Variants in KCNH3 observed in about 807,000 individuals in gnomAD.
KCNH3 encodes potassium voltage-gated channel subfamily H member 3.
Under a neutral mutation model 95.6 loss-of-function variants are expected in KCNH3, and 36 were observed. The ratio of observed to expected loss-of-function variants is 0.38; its 90% confidence interval spans 0.29 to 0.50. The LOEUF (loss-of-function observed/expected upper bound fraction) is 0.50, where lower values mean the gene tolerates loss of function less well. Ranked by LOEUF, KCNH3 falls within the 20% of genes least tolerant of loss-of-function variation. The probability of loss-of-function intolerance (pLI) is 0.95; values close to 1 mark genes in which losing one functional copy is unlikely to be tolerated. For missense variants in KCNH3, 1,030 were observed against 1,484.1 expected (o/e 0.69, Z 5.03); for synonymous variants, 620 against 646.3 (o/e 0.96, Z 0.62).
chr12:49,544,145 T>TACCAAACCAC, intron 6 of KCNH3, 30 bp from the exon 7 acceptor site: 1 of 818,374 alleles, frequency 1.2e-6, no homozygotes, highest in Non-Finnish European at 2.0e-6. Context: ...CTGACCTCCC[T>TACCAAACCAC]CCCTCCCTCC....
At chr12:49,548,016 C>T (rs1400198525) in intron 7 of KCNH3, among the ~76,000 whole-genome samples, 1 of 152,164 alleles carries the variant, frequency 6.6e-6, no homozygotes, top group Admixed American at 6.5e-5. Context: ...AACCCTACTC[C>T]ATGCCAAGGC....
intron 7 of KCNH3, among the ~76,000 whole-genome samples, chr12:49,548,135 C>A (rs563243224): frequency 7.6e-6 from 1 of 131,930 alleles, no homozygotes; most frequent in South Asian, 2.5e-4. Context: ...TGTGTGTGTG[C>A]GCGCGCACCT....
intron 13 of KCNH3, chr12:49,556,717 T>C (rs1938466654): frequency 1.4e-6 from 1 of 690,990 alleles, no homozygotes; most frequent in South Asian, 1.5e-5. Context: ...TTTCTAGCAG[T>C]GTGAATTTGG....
chr12:49,550,005 G>A (rs1158382862), intron 9 of KCNH3, 75 bp from the exon 10 acceptor site: 2 of 1,461,092 alleles, frequency 1.4e-6, no homozygotes, highest in African/African-American at 1.4e-5. Context: ...TGCCAGGGTG[G>A]AGAGGGGCTG....
At chr12:49,550,390 T>A (rs956862700) in intron 10 of KCNH3, 61 bp downstream of exon 10, 1 of 1,528,822 alleles carries the variant, frequency 6.5e-7, no homozygotes. Flanking sequence ...GGCCCTGATC[T>A]GTGGAAAACC....
In KCNH3 at chr12:49,556,424, C is replaced by T. The variant is rs201184263; in HGVS notation, c.2523C>T (p.Phe841=). ...GCGSDQPKFS[F]RVGQSGPECS... ...GCTCGGACCAGCCCAAGTTCTCTTTCCGCGTGGGCCAGTCTGGCCCGGAAT... is the reference window on the plus strand; with the variant it reads ...GCTCGGACCAGCCCAAGTTCTCTTTTCGCGTGGGCCAGTCTGGCCCGGAAT... Residue 841 remains phenylalanine (F), a synonymous_variant, in exon 13 of 15, where the codon TTC becomes TTT. Transcript: ENST00000257981. 1.9e-6 allele frequency: 3 copies of T among 1,614,040 alleles called. No individual in the cohort carries two copies. The highest frequency in any genetic ancestry group is 3.3e-5 in the Admixed American group (2 of 60,020).
Position 49,539,673 on chromosome 12 carries a change from A to AAGGTTCGG in KCNH3, c.76+182_76+189dup, listed in dbSNP as rs1248308572. ...TAGGCGCTGTTTCCCCGAAGGTTCG[A>AAGGTTCGG]AGGTTCGGGGTCAACACTGCTTCAG... On this transcript the variant is annotated intron_variant, in intron 1 of 14. Transcript: ENST00000257981. This position sits in a 1 kb window ranked among gnomAD's most constrained non-coding sequence, Gnocchi z 6.7. Among the ~76,000 whole-genome samples the AAGGTTCGG allele has an allele frequency of 6.6e-6, 1 of 152,096 alleles. No homozygotes were observed. The highest frequency in any genetic ancestry group is 1.9e-4 in the East Asian group (1 of 5,170).
chr12:49,549,035 G>A lies in KCNH3; in HGVS notation c.1330G>A (p.Gly444Ser), dbSNP rs1245208048. Residue 444 changes from glycine to serine, a missense_variant, in exon 8 of 15, where the codon GGC becomes AGC. This residue lies in a region of KCNH3 where 13 missense variants were observed against 64.5 expected (regional missense o/e 0.20). Coordinates refer to ENST00000257981, the MANE Select transcript of KCNH3 (RefSeq NM_012284.3). Reference sequence around the variant, plus strand: ...CAACGGGACGGGGCTGGAGCTGCTGGGCGGCCCGTCGCTGCGCAGCGCCTA... The same window carrying A: ...CAACGGGACGGGGCTGGAGCTGCTGAGCGGCCCGTCGCTGCGCAGCGCCTA... The part of the protein sequence containing the change: ...EANGTGLELL[G>S]GPSLRSAYIT... 6.2e-7 allele frequency: 1 copy of A among 1,612,004 alleles called. No individual in the cohort carries two copies. Among genetic ancestry groups the A allele is most frequent in the African/African-American group, 1.3e-5 (1 of 74,910 alleles).
Position 49,555,644 on chromosome 12 carries a change from G to A in KCNH3, c.2161G>A (p.Asp721Asn), listed in dbSNP as rs752430853. The A allele has an allele frequency of 5.1e-6, 8 of 1,557,880 alleles. No individual in the cohort carries two copies. Among genetic ancestry groups the A allele is most frequent in the Admixed American group, 1.9e-5 (1 of 53,566 alleles). Reference sequence around the variant, plus strand: ...GGTGGACACCAGCTCCCTGAGCGGCGACAATACCCTTATGTCCACGCTGGA... The same window carrying A: ...GGTGGACACCAGCTCCCTGAGCGGCAACAATACCCTTATGTCCACGCTGGA... ...AEVDTSSLSG[D>N]NTLMSTLEEK... is the part of the protein sequence containing the mutation. The change falls in exon 12 of 15, where the codon GAC becomes AAC. Residue 721 changes from aspartate (D) to asparagine (N), a missense_variant. Transcript: ENST00000257981.
Position 49,543,459 on chromosome 12 carries a change from G to A in KCNH3, c.764G>A (p.Ser255Asn). 1 of 1,603,092 alleles carries A rather than the reference G, an allele frequency of 6.2e-7. No individual in the cohort carries two copies. The highest frequency in any genetic ancestry group is 2.2e-5 in the East Asian group (1 of 44,860). ...TGTGTGAGCACAGCACGGGAGCCCA[G>A]TGCCGCCCGCGGCCCGCCCAGCGTC... is the stretch of plus-strand genomic sequence containing the variant. The part of the protein sequence containing the change: ...SVCVSTAREP[S>N]AARGPPSVCD... The change falls in exon 5 of 15, where the codon AGT becomes AAT. Residue 255 changes from serine (S) to asparagine (N), a missense_variant. By Grantham distance (46) the Ser-to-Asn change is conservative. Coordinates refer to ENST00000257981, the MANE Select transcript of KCNH3 (RefSeq NM_012284.3).
In KCNH3 at chr12:49,541,656, G is replaced by A. The variant is rs1291838320; in HGVS notation, c.337G>A (p.Val113Met). 1.2e-6 allele frequency: 2 copies of A among 1,614,200 alleles called. No individual in the cohort carries two copies. Among genetic ancestry groups the A allele is most frequent in the Non-Finnish European group, 1.7e-6 (2 of 1,180,028 alleles). The change falls in exon 3 of 15, where the codon GTG (valine) becomes ATG (methionine). Residue 113 changes from valine (V) to methionine (M), a missense_variant. Physicochemically the swap from Val to Met is conservative, Grantham distance 21. Coordinates refer to ENST00000257981, the MANE Select transcript of KCNH3 (RefSeq NM_012284.3). ...GCTCCCGTTCTGGTGTCTCCTGGAT[G>A]TGATACCCATAAAGAATGAGAAAGG... is the stretch of plus-strand genomic sequence containing the variant. The part of the protein sequence containing the change: ...SGLPFWCLLD[V>M]IPIKNEKGEV...
Position 49,557,759 on chromosome 12 carries a change from C to T in KCNH3, c.3058C>T (p.Pro1020Ser). 6.2e-7 allele frequency: 1 copy of T among 1,612,912 alleles called. No individual in the cohort carries two copies. Among genetic ancestry groups the T allele is most frequent in the Non-Finnish European group, 8.5e-7 (1 of 1,179,616 alleles). ...SEPSTPASPP[P>S]SEEGARTGPA... Reference sequence around the variant, plus strand: ...GCCCAGCACCCCTGCCTCCCCTCCTCCTTCTGAGGAAGGGGCTAGGACTGG... The same window carrying T: ...GCCCAGCACCCCTGCCTCCCCTCCTTCTTCTGAGGAAGGGGCTAGGACTGG... Residue 1020 changes from proline to serine, a missense_variant, in exon 15 of 15, where the codon CCT (proline) becomes TCT (serine). Pro to Ser is a moderately conservative substitution (Grantham distance 74). This residue lies in a region of KCNH3 where 464 missense variants were observed against 493.2 expected (regional missense o/e 0.94). Coordinates refer to ENST00000257981, the MANE Select transcript of KCNH3 (RefSeq NM_012284.3).
intron 10 of KCNH3, among the ~76,000 whole-genome samples, chr12:49,554,071 T>C (rs928426386): frequency 2.0e-5 from 3 of 152,232 alleles, no homozygotes; most frequent in Non-Finnish European, 2.9e-5. Context: ...ATTCAGGTTT[T>C]CTGGCACAGT....
rs1412342275 is a variant in KCNH3, at chr12:49,548,988, A to G, written c.1283A>G (p.Asn428Ser). 6.2e-7 allele frequency: 1 copy of G among 1,610,982 alleles called. No homozygotes were observed. Among genetic ancestry groups the G allele is most frequent in the Non-Finnish European group, 8.5e-7 (1 of 1,179,224 alleles). ...AGGNSSGQSD[N>S]CSSSSEANGT... ...GGGAACAGCTCCGGCCAGAGTGACA[A>G]CTGCAGCAGCAGCAGCGAGGCCAAC... Residue 428 changes from asparagine (N) to serine (S), a missense_variant, in exon 8 of 15, where the codon AAC becomes AGC. Physicochemically the swap from Asn to Ser is conservative, Grantham distance 46. Transcript: ENST00000257981.
chr12:49,554,299 G>C (rs1035943643), intron 10 of KCNH3, 38 bp from the exon 11 acceptor site: 5 of 1,541,842 alleles, frequency 3.2e-6, no homozygotes, highest in Non-Finnish European at 4.5e-6. Flanking sequence ...CATGGCTGAA[G>C]CTCTCAGGGC....
rs763653208 is a variant in KCNH3 at position 49,541,631 on chromosome 12, G to A, written c.312G>A (p.Gly104=). 1.2e-6 allele frequency: 2 copies of A among 1,613,810 alleles called. No individual in the cohort carries two copies. The highest frequency in any genetic ancestry group is 1.7e-6 in the Non-Finnish European group (2 of 1,179,962). ...KAELILYRKS[G]LPFWCLLDVI... ...GGCTGAGTTTGTTTTTGTGCCCAGG[G>A]CTCCCGTTCTGGTGTCTCCTGGATG... is the stretch of plus-strand genomic sequence containing the variant. The change falls in exon 3 of 15, where the codon GGG becomes GGA. Residue 104 remains glycine, a splice_region_variant and synonymous_variant. Transcript: ENST00000257981.
At position 49,556,369 on chromosome 12, in the gene KCNH3, G is replaced by A; in HGVS notation, c.2469-1G>A. On this transcript the variant is annotated splice_acceptor_variant, in intron 12 of 14. Coordinates refer to ENST00000257981, the MANE Select transcript of KCNH3 (RefSeq NM_012284.3). LOFTEE classifies it high-confidence loss of function. ...TGTTGTCCTGGTACCTGGGTTCACA[G>A]GGTAGTAGATGGCATTGAAGACGGC... The A allele has an allele frequency of 1.2e-6, 2 of 1,609,684 alleles. No homozygotes were observed. The highest frequency in any genetic ancestry group is 1.7e-6 in the Non-Finnish European group (2 of 1,176,088).
chr12:49,543,800 C>G, intron 5 of KCNH3, 115 bp from the exon 6 acceptor site: 2 of 1,355,362 alleles, frequency 1.5e-6, no homozygotes. Flanking sequence ...AGAACTAAGA[C>G]GATGTATGGG....
chr12:49,556,876 T>G, intron 13 of KCNH3: 2 of 620,618 alleles, frequency 3.2e-6, no homozygotes, highest in Admixed American at 4.5e-5. Flanking sequence ...GCCAGGGAAG[T>G]GGACAAGGTA....
Sources: gnomAD v4.1 joint callset for allele counts (sites outside exome capture counted in the v4.1 genomes callset) on GRCh38, gnomAD v4.1.1 for gene constraint, gnomAD v4.1.1 regional missense constraint, Gnocchi (gnomAD v3.1) non-coding constraint, MANE v1.5 for transcripts, NCBI Gene and HGNC (gene_info 2026-07-23, HGNC 2026-07-21) for gene names.